RABGAP1L: variants seen among roughly 807,000 people sequenced by gnomAD.
The protein encoded by RABGAP1L is RAB GTPase activating protein 1 like, also known as rab GTPase-activating protein 1-like.
Under a neutral mutation model 137.7 loss-of-function variants are expected in RABGAP1L, and 63 were observed. That is an observed-to-expected ratio of 0.46 (90% CI 0.37 to 0.56). The LOEUF is 0.56. RABGAP1L is among the 20% of genes least tolerant of loss of function. The pLI, the probability that RABGAP1L is intolerant of heterozygous loss-of-function variation, is 0.00. For synonymous variants in RABGAP1L, 431 were observed against 433.7 expected (o/e 0.99, Z 0.08); for missense variants, 1,095 against 1,244.0 (o/e 0.88, Z 1.80).
chr1:174,360,955 G>A (rs531945353), intron 11 of RABGAP1L, among the ~76,000 whole-genome samples: 1 of 152,276 alleles, frequency 6.6e-6, no homozygotes, highest in East Asian at 1.9e-4. Flanking sequence ...AGGAGATTGA[G>A]GCCATCCTGG....
intron 15 of RABGAP1L, among the ~76,000 whole-genome samples, chr1:174,690,382 G>C (rs1244936434): frequency 6.6e-6 from 1 of 152,046 alleles, no homozygotes. Context: ...TTACTTAATA[G>C]ACCTATAGTT....
At position 174,993,307 on chromosome 1, in the gene RABGAP1L, T is replaced by C. The variant is rs1672176110; in HGVS notation, c.*3306T>C. 1 of 152,278 alleles carries C rather than the reference T, an allele frequency of 6.6e-6. No individual in the cohort carries two copies. Among genetic ancestry groups the C allele is most frequent in the South Asian group, 2.1e-4 (1 of 4,838 alleles). The allele number at this position is 152,278 out of a possible 1,614,324, so 9.4% of individuals were successfully genotyped here. On this transcript the variant is annotated 3_prime_UTR_variant, in exon 26 of 26. Coordinates refer to ENST00000681986, the MANE Select transcript of RABGAP1L (RefSeq NM_001366446.1). Reference sequence around the variant, plus strand: ...GCCCCTCTCCCAGCTGTTAAATTAGTACTTCTTCATTGGCTTTCTGAAATG... The same window carrying C: ...GCCCCTCTCCCAGCTGTTAAATTAGCACTTCTTCATTGGCTTTCTGAAATG...
intron 17 of RABGAP1L, among the ~76,000 whole-genome samples, chr1:174,739,948 A>C (rs1432008281): frequency 2.0e-5 from 3 of 152,156 alleles, no homozygotes; most frequent in Non-Finnish European, 2.9e-5. Flanking sequence ...TTCTTGGCAG[A>C]AAGATGCTAG....
chr1:174,640,048 A>G (rs2148350728), intron 14 of RABGAP1L, among the ~76,000 whole-genome samples: 1 of 152,324 alleles, frequency 6.6e-6, no homozygotes, highest in Non-Finnish European at 1.5e-5. Flanking sequence ...AAACAAAATT[A>G]CATTAGACAT....
At chr1:174,955,163 C>T (rs940773812) in intron 19 of RABGAP1L, among the ~76,000 whole-genome samples, 2 of 152,118 alleles carry the variant, frequency 1.3e-5, no homozygotes, top group Non-Finnish European at 2.9e-5. Context: ...ATAAAGGATT[C>T]GTGTTTCTCA....
At chr1:174,607,504 C>G (rs552925569) in intron 13 of RABGAP1L, among the ~76,000 whole-genome samples, 1 of 152,272 alleles carries the variant, frequency 6.6e-6, no homozygotes, top group South Asian at 2.1e-4. Flanking sequence ...GAGGTGTCCT[C>G]TGGGCTGATA....
chr1:174,780,091 TAAATA>T (rs1558070340), intron 18 of RABGAP1L, among the ~76,000 whole-genome samples: 8 of 149,806 alleles, frequency 5.3e-5, no homozygotes, highest in Non-Finnish European at 1.0e-4. Flanking sequence ...AATAAATAAA[TAAATA>T]AATAAATAAA....
intron 13 of RABGAP1L, among the ~76,000 whole-genome samples, chr1:174,615,964 T>C (rs1270091163): frequency 6.6e-6 from 1 of 152,244 alleles, no homozygotes; most frequent in Non-Finnish European, 1.5e-5. Context: ...TTACCCGATT[T>C]TCCAGGTGCC....
intron 11 of RABGAP1L, among the ~76,000 whole-genome samples, chr1:174,311,570 C>G (rs1678854690): frequency 1.3e-5 from 2 of 152,174 alleles, no homozygotes; most frequent in Non-Finnish European, 2.9e-5. Context: ...ACATAATGAT[C>G]TCCAGTTCAA....
chr1:174,659,662 A>G (rs1676226103), intron 14 of RABGAP1L, among the ~76,000 whole-genome samples: 1 of 152,216 alleles, frequency 6.6e-6, no homozygotes, highest in South Asian at 2.1e-4. Flanking sequence ...TTCCAAATTT[A>G]TATATCTGAC....
chr1:174,456,674 T>C (rs1034874021), intron 13 of RABGAP1L, among the ~76,000 whole-genome samples: 6 of 152,134 alleles, frequency 3.9e-5, no homozygotes, highest in Non-Finnish European at 7.4e-5. Flanking sequence ...ACAGAAAAAT[T>C]AAAGGAACTC....
At chr1:174,936,045 A>G (rs1273498347) in intron 19 of RABGAP1L, among the ~76,000 whole-genome samples, 3 of 148,176 alleles carry the variant, frequency 2.0e-5, no homozygotes, top group African/African-American at 7.4e-5. Flanking sequence ...TTTTTGCAGT[A>G]TGTAGATTTA....
In RABGAP1L at chr1:174,394,035, C is replaced by G. The variant is rs371618472; in HGVS notation, c.1600C>G (p.Leu534Val). The change falls in exon 13 of 26, where the codon CTG (leucine) becomes GTG (valine). Residue 534 changes from leucine (L) to valine (V), a missense_variant. This residue lies in a region of RABGAP1L where 315 missense variants were observed against 324.8 expected (regional missense o/e 0.97). Coordinates refer to ENST00000681986, the MANE Select transcript of RABGAP1L (RefSeq NM_001366446.1). ...LGARPKGLST[L>V]VKSGVPEALR... ...TGCACGACCGAAAGGGCTGTCTACT[C>G]TGGTGAAGAGTGGTGTCCCTGAAGC... is the stretch of plus-strand genomic sequence containing the variant. 3 of 1,613,660 alleles carry G rather than the reference C, an allele frequency of 1.9e-6. No individual in the cohort carries two copies. The highest frequency in any genetic ancestry group is 2.5e-6 in the Non-Finnish European group (3 of 1,179,802).
chr1:174,987,332 A>G lies in RABGAP1L; in HGVS notation c.2806-1309A>G, dbSNP rs1022430410. ...TAGGTGCCCGCCACCATGCCCAGCT[A>G]ATTTTTGTATTTTTACTAGAGACGG... On this transcript the variant is annotated intron_variant, in intron 24 of 25. Transcript: ENST00000681986. Among the ~76,000 whole-genome samples, 3 of 152,040 alleles carry G rather than the reference A, an allele frequency of 2.0e-5. No individual in the cohort carries two copies. The East Asian group carries it at 5.8e-4, about 29-fold the overall frequency.
At chr1:174,617,255 A>G (rs1306186348) in intron 13 of RABGAP1L, among the ~76,000 whole-genome samples, 8 of 152,220 alleles carry the variant, frequency 5.3e-5, no homozygotes, top group Admixed American at 4.6e-4. Flanking sequence ...CTATCTCCAA[A>G]TATTATGCCT....
At chr1:174,845,001 A>T (rs1198177491) in intron 19 of RABGAP1L, among the ~76,000 whole-genome samples, 10 of 143,802 alleles carry the variant, frequency 7.0e-5, no homozygotes, top group Admixed American at 2.9e-4. Context: ...TGAATGGGAG[A>T]TCACTCATGA....
chr1:174,264,429 C>T (rs888201765), intron 7 of RABGAP1L, among the ~76,000 whole-genome samples: 1 of 152,116 alleles, frequency 6.6e-6, no homozygotes, highest in African/African-American at 2.4e-5. Context: ...CCCATCCAGT[C>T]TCATGACTTT....
At chr1:174,360,611 T>C (rs147087809) in intron 11 of RABGAP1L, among the ~76,000 whole-genome samples, 184 of 152,260 alleles carry the variant, frequency 1.2e-3, no homozygotes, top group African/African-American at 4.2e-3. Flanking sequence ...AACATATAAC[T>C]TGTAGCTGGG....
intron 13 of RABGAP1L, among the ~76,000 whole-genome samples, chr1:174,494,081 G>C (rs573888578): frequency 6.6e-6 from 1 of 151,948 alleles, no homozygotes; most frequent in East Asian, 1.9e-4. Context: ...TTAGAACATC[G>C]TGTATAGTTT....
Sources: gnomAD v4.1 joint callset for allele counts (sites outside exome capture counted in the v4.1 genomes callset) on GRCh38, gnomAD v4.1.1 for gene constraint, gnomAD v4.1.1 regional missense constraint, MANE v1.5 for transcripts, NCBI Gene and HGNC (gene_info 2026-07-23, HGNC 2026-07-21) for gene names.